Variants in SUN2 observed in about 807,000 individuals in gnomAD.
SUN2 encodes the protein Sad1 and UNC84 domain containing 2.
A neutral mutation model predicts 100.0 loss-of-function variants in SUN2; 60 were observed. The observed-to-expected ratio is 0.60, with a 90% CI of 0.49 to 0.74. The LOEUF is 0.74. SUN2 is among the 30% of genes least tolerant of loss of function. The pLI, the probability that SUN2 is intolerant of heterozygous loss-of-function variation, is 0.00. For synonymous variants in SUN2, 367 were observed against 403.3 expected (o/e 0.91, Z 1.08); for missense variants, 834 against 954.6 (o/e 0.87, Z 1.66).
chr22:38,749,055 A>G (rs2092924604), intron 6 of SUN2: 1 of 440,532 alleles, frequency 2.3e-6, no homozygotes, highest in Non-Finnish European at 4.1e-6. Context: ...AAAAATTTTT[A>G]TATGGACAGG....
Position 38,739,135 on chromosome 22 carries a change from G to T in SUN2, c.1664-147C>A, listed in dbSNP as rs1484198096. ...CCGAGATGCTCAGAGCAGCTTTAAA[G>T]GTCAGCCTCTCCCTGGCCCAGGATG... On this transcript the variant is annotated intron_variant, in intron 14 of 17. Coordinates refer to ENST00000689035, the MANE Select transcript of SUN2 (RefSeq NM_015374.3). The surrounding 1 kb of genome is among the most constrained non-coding windows in gnomAD (Gnocchi z 6.7). 1.1e-6 allele frequency: 1 copy of T among 949,142 alleles called. No individual in the cohort carries two copies. Among genetic ancestry groups the T allele is most frequent in the Non-Finnish European group, 1.6e-6 (1 of 613,754 alleles). The allele number at this position is 949,142 out of a possible 1,614,324, so 58.8% of individuals were successfully genotyped here. A position where few individuals can be genotyped will look rare whatever the true frequency, so the allele number is the denominator to read the frequency against.
intron 8 of SUN2, chr22:38,742,851 G>A: frequency 2.8e-6 from 1 of 355,744 alleles, no homozygotes; most frequent in South Asian, 3.6e-5. Context: ...AGGTCTGAGT[G>A]CAGGGATGGT....
intron 6 of SUN2, among the ~76,000 whole-genome samples, chr22:38,749,494 G>A (rs1569303700): frequency 6.6e-6 from 1 of 152,220 alleles, no homozygotes; most frequent in Non-Finnish European, 1.5e-5. Flanking sequence ...AGACTAGTGT[G>A]GCGTTTAGTA....
At chr22:38,750,510 T>C in intron 4 of SUN2, 190 bp from the exon 5 acceptor site, 2 of 1,280,002 alleles carry the variant, frequency 1.6e-6, no homozygotes, top group Non-Finnish European at 2.1e-6. Flanking sequence ...GCTTCCTGTT[T>C]GCATCCCTCT....
chr22:38,741,692 C>A, intron 9 of SUN2, 121 bp from the exon 10 acceptor site: 1 of 897,720 alleles, frequency 1.1e-6, no homozygotes, highest in Non-Finnish European at 1.8e-6. Flanking sequence ...CCCTGGCTCT[C>A]AGCCTTCTCT....
In SUN2 at chr22:38,749,895, G is replaced by A. The variant is rs757713603; in HGVS notation, c.521-36C>T. 1.5e-4 allele frequency: 234 copies of A among 1,582,612 alleles called. 2 individuals are homozygous for A. In the Admixed American group the frequency reaches 4.0e-3, roughly 27 times the overall value. ...GACCATCAAGCCGAAGGCTCCATATGGTGTTTGGGGGCACCGCTCCTTTGT... is the reference window on the plus strand; with the variant it reads ...GACCATCAAGCCGAAGGCTCCATATAGTGTTTGGGGGCACCGCTCCTTTGT... On this transcript the variant is annotated intron_variant, in intron 5 of 17. Transcript: ENST00000689035.
At chr22:38,748,942 G>C in intron 6 of SUN2, 159 bp from the exon 7 acceptor site, 1 of 691,480 alleles carries the variant, frequency 1.4e-6, no homozygotes, top group East Asian at 2.7e-5. Flanking sequence ...GGCCAGCCTG[G>C]ACACGTCAGA....
In SUN2 at chr22:38,739,531, T is replaced by C; in HGVS notation, c.1579-105A>G. ...CCCATGGGCTGACCCCTTCTAGGCT[T>C]GCACTGTGCTGGTGCCCAGGCAGAT... On this transcript the variant is annotated intron_variant, in intron 13 of 17. Coordinates refer to ENST00000689035, the MANE Select transcript of SUN2 (RefSeq NM_015374.3). The surrounding 1 kb of genome is among the most constrained non-coding windows in gnomAD (Gnocchi z 6.7). The C allele has an allele frequency of 7.2e-7, 1 of 1,397,388 alleles. No individual in the cohort carries two copies. The highest frequency in any genetic ancestry group is 1.0e-6 in the Non-Finnish European group (1 of 1,003,684). 86.6% of individuals were successfully genotyped at this position (1,397,388 alleles called of 1,614,324 possible). A position where few individuals can be genotyped will look rare whatever the true frequency, so the allele number is the denominator to read the frequency against.
At position 38,751,361 on chromosome 22, in the gene SUN2, C is replaced by G. The variant is rs766449176; in HGVS notation, c.135G>C (p.Arg45Ser). The G allele has an allele frequency of 6.2e-7, 1 of 1,613,710 alleles. No homozygotes were observed. Among genetic ancestry groups the G allele is most frequent in the Non-Finnish European group, 8.5e-7 (1 of 1,180,006 alleles). The change falls in exon 3 of 18, where the codon AGG becomes AGC. Residue 45 changes from arginine to serine, a missense_variant. Transcript: ENST00000689035. ...ACAGGCGCTTCATGTTGCTGGATTT[C>G]CTCTTCAAGGTCCTGTGGGACAACC... ...FKDSPLRTLKRKSSNMKRLSP... is the reference protein window; with the variant it reads ...FKDSPLRTLKSKSSNMKRLSP...
chr22:38,738,847 C>T lies in SUN2; in HGVS notation c.1779+26G>A, dbSNP rs780699204. On this transcript the variant is annotated intron_variant, in intron 15 of 17. Transcript: ENST00000689035. This position sits in a 1 kb window ranked among gnomAD's most constrained non-coding sequence, Gnocchi z 6.6. ...CAGCCCTCAGTGTGCTCAGAGCCCCCGCTGCTGTGCTTGCCAGGTGCCCAC... is the reference window on the plus strand; with the variant it reads ...CAGCCCTCAGTGTGCTCAGAGCCCCTGCTGCTGTGCTTGCCAGGTGCCCAC... 1.7e-5 allele frequency: 27 copies of T among 1,595,298 alleles called. No homozygotes were observed. The highest frequency in any genetic ancestry group is 1.0e-4 in the South Asian group (9 of 88,772).
At position 38,741,664 on chromosome 22, in the gene SUN2, G is replaced by T. The variant is rs879075652; in HGVS notation, c.1069-93C>A. On this transcript the variant is annotated intron_variant, in intron 9 of 17. Coordinates refer to ENST00000689035, the MANE Select transcript of SUN2 (RefSeq NM_015374.3). Reference sequence around the variant, plus strand: ...GTGGCGGAACTGGAATTCAAACAAGGTCTGTTTGCTTCCAGAGCCCTGGCT... The same window carrying T: ...GTGGCGGAACTGGAATTCAAACAAGTTCTGTTTGCTTCCAGAGCCCTGGCT... 3.2e-5 allele frequency: 39 copies of T among 1,217,788 alleles called. No homozygotes were observed. The South Asian group carries it at 4.3e-4, about 13-fold the overall frequency. The allele number at this position is 1,217,788 out of a possible 1,614,324, so 75.4% of individuals were successfully genotyped here.
Position 38,740,533 on chromosome 22 carries a change from A to G in SUN2, c.1191-101T>C. ...CCCCCTAGTGGGCTCCCGTCAGGAG[A>G]GCGGGTGCCCAGCACTCATTGTGAA... On this transcript the variant is annotated intron_variant, in intron 11 of 17. Coordinates refer to ENST00000689035, the MANE Select transcript of SUN2 (RefSeq NM_015374.3). The surrounding 1 kb of genome is among the most constrained non-coding windows in gnomAD (Gnocchi z 4.8). The G allele has an allele frequency of 2.3e-6, 3 of 1,298,058 alleles. No individual in the cohort carries two copies. Among genetic ancestry groups the G allele is most frequent in the South Asian group, 1.8e-5 (1 of 56,354 alleles). 80.4% of individuals were successfully genotyped at this position (1,298,058 alleles called of 1,614,324 possible).
At position 38,755,602 on chromosome 22, in the gene SUN2, C is replaced by T. The variant is rs1229679417; in HGVS notation, c.-38+161G>A. On this transcript the variant is annotated intron_variant, in intron 1 of 17. Coordinates refer to ENST00000689035, the MANE Select transcript of SUN2 (RefSeq NM_015374.3). The surrounding 1 kb of genome is among the most constrained non-coding windows in gnomAD (Gnocchi z 5.7). The stretch of plus-strand genomic sequence containing the variant: ...GCGGGGGCCAGGAGGTGAGTCAGGG[C>T]GCGGGCCGCGGACCCGGGTGGAGGC... The T allele has an allele frequency of 3.2e-6, 3 of 938,140 alleles. No individual in the cohort carries two copies. The African/African-American group carries it at 5.3e-5, about 17-fold the overall frequency. The allele number at this position is 938,140 out of a possible 1,614,324, so 58.1% of individuals were successfully genotyped here.
Position 38,749,913 on chromosome 22 carries a change from T to A in SUN2, c.521-54A>T, listed in dbSNP as rs1338248553. The A allele has an allele frequency of 5.9e-6, 9 of 1,534,488 alleles. No individual in the cohort carries two copies. In the South Asian group the frequency reaches 1.0e-4, roughly 18 times the overall value. On this transcript the variant is annotated intron_variant, in intron 5 of 17. Coordinates refer to ENST00000689035, the MANE Select transcript of SUN2 (RefSeq NM_015374.3). ...TCCATATGGTGTTTGGGGGCACCGC[T>A]CCTTTGTCCCGTCTGCCGTCCTCCC...
chr22:38,752,442 C>T (rs921855004), intron 2 of SUN2, 65 bp downstream of exon 2: 17 of 1,539,774 alleles, frequency 1.1e-5, no homozygotes, highest in South Asian at 8.5e-5. Flanking sequence ...GACCACAGGG[C>T]GTGCGGGCAG....
chr22:38,738,392 C>A lies in SUN2; in HGVS notation c.1948-127G>T. On this transcript the variant is annotated intron_variant, in intron 16 of 17. Coordinates refer to ENST00000689035, the MANE Select transcript of SUN2 (RefSeq NM_015374.3). The surrounding 1 kb of genome is among the most constrained non-coding windows in gnomAD (Gnocchi z 6.6). ...GTGGCCTATGACAAGTCACTTCACT[C>A]TCTTGTGCCACAGTTTCTGCCTCCA... 1.8e-6 allele frequency: 2 copies of A among 1,096,490 alleles called. No homozygotes were observed. Among genetic ancestry groups the A allele is most frequent in the African/African-American group, 1.6e-5 (1 of 63,722 alleles). The allele number at this position is 1,096,490 out of a possible 1,614,324, so 67.9% of individuals were successfully genotyped here.
In SUN2 at chr22:38,745,738, G is replaced by A. The variant is rs375173070; in HGVS notation, c.759C>T (p.Asp253=). The change falls in exon 8 of 18, where the codon GAC becomes GAT. Residue 253 remains aspartate (D), a synonymous_variant. Coordinates refer to ENST00000689035, the MANE Select transcript of SUN2 (RefSeq NM_015374.3). ...PALVSWWAAK[D]SRRPDEGWEA... is the part of the protein sequence containing the mutation. The stretch of plus-strand genomic sequence containing the variant: ...CCCAGCCCTCATCCGGCCTCCTGCT[G>A]TCCTTCGCTGCCCACCAGGAAACCA... 1 of 1,614,030 alleles carries A rather than the reference G, an allele frequency of 6.2e-7. No individual in the cohort carries two copies. The highest frequency in any genetic ancestry group is 8.5e-7 in the Non-Finnish European group (1 of 1,180,028).
At chr22:38,747,331 CA>C (rs371350765) in intron 7 of SUN2, among the ~76,000 whole-genome samples, 165 of 99,308 alleles carry the variant, frequency 1.7e-3, no homozygotes, top group Admixed American at 2.8e-3. Context: ...AACTCCGTCT[CA>C]AAAAAAAAAA....
Position 38,742,308 on chromosome 22 carries a change from C to T in SUN2, c.1061G>A (p.Arg354His), listed in dbSNP as rs1240205767. ...KEDFRRETAA[R>H]IQEELSALRA... ...AGGTATTCCACCTCCTACCTGGATGCGAGCAGCAGTTTCCCTGCGGAAATC... is the reference window on the plus strand; with the variant it reads ...AGGTATTCCACCTCCTACCTGGATGTGAGCAGCAGTTTCCCTGCGGAAATC... Residue 354 changes from arginine (R) to histidine (H), a missense_variant, in exon 9 of 18, where the codon CGC becomes CAC. This residue lies in a region of SUN2 where 559 missense variants were observed against 597.7 expected (regional missense o/e 0.94). Transcript: ENST00000689035. 16 of 1,598,446 alleles carry T rather than the reference C, an allele frequency of 1.0e-5. No individual in the cohort carries two copies. In the African/African-American group the frequency reaches 1.1e-4, roughly 11 times the overall value.
Sources: allele counts gnomAD v4.1 joint callset (sites outside exome capture counted in the v4.1 genomes callset), GRCh38; gene constraint gnomAD v4.1.1; regional missense constraint gnomAD v4.1.1; non-coding constraint Gnocchi (gnomAD v3.1); transcripts MANE v1.5; gene names NCBI Gene and HGNC (gene_info 2026-07-23, HGNC 2026-07-21).